MAGI2: variants seen among roughly 807,000 people sequenced by gnomAD.
MAGI2 encodes membrane associated guanylate kinase, WW and PDZ domain containing 2, also known as membrane-associated guanylate kinase, WW and PDZ domain-containing protein 2.
MAGI2 carries 35 observed loss-of-function variants against 133.3 expected under a neutral mutation model. The observed-to-expected ratio is 0.26, with a 90% CI of 0.20 to 0.35. The LOEUF (loss-of-function observed/expected upper bound fraction) is 0.35. MAGI2 is among the 10% of genes least tolerant of loss of function. The pLI is 1.00. For synonymous variants in MAGI2, 729 were observed against 710.6 expected, an observed-to-expected ratio of 1.03 and a Z score of -0.41; for missense variants, 1,636 against 1,863.4, an observed-to-expected ratio of 0.88 and a Z score of 2.25.
intron 1 of MAGI2, among the ~76,000 whole-genome samples, chr7:79,392,387 C>G (rs1844725426): frequency 6.6e-6 from 1 of 152,112 alleles, no homozygotes; most frequent in Admixed American, 6.5e-5. Context: ...AATGGCATTA[C>G]TAGGTCAAAT....
chr7:78,384,177 G>T (rs995086214), intron 6 of MAGI2, among the ~76,000 whole-genome samples: 1 of 151,948 alleles, frequency 6.6e-6, no homozygotes, highest in African/African-American at 2.4e-5. Flanking sequence ...CTGTAGATTG[G>T]TTTGGACAAT....
intron 1 of MAGI2, among the ~76,000 whole-genome samples, chr7:79,302,494 C>G (rs1260526819): frequency 6.6e-6 from 1 of 152,072 alleles, no homozygotes; most frequent in African/African-American, 2.4e-5. Flanking sequence ...TTTGGGCAGC[C>G]TTCTATGACT....
chr7:78,049,211 G>A (rs1454015342), intron 21 of MAGI2, among the ~76,000 whole-genome samples: 1 of 152,066 alleles, frequency 6.6e-6, no homozygotes, highest in Non-Finnish European at 1.5e-5. Context: ...GACATGATGA[G>A]AAAGAGACAT....
intron 6 of MAGI2, among the ~76,000 whole-genome samples, chr7:78,462,635 T>C (rs970034023): frequency 1.3e-5 from 2 of 152,232 alleles, no homozygotes; most frequent in African/African-American, 4.8e-5. Flanking sequence ...ACATGGTTAT[T>C]GCAAAACCTT....
At chr7:78,328,594 A>G (rs1001760444) in intron 9 of MAGI2, among the ~76,000 whole-genome samples, 2 of 150,026 alleles carry the variant, frequency 1.3e-5, no homozygotes, top group Admixed American at 1.3e-4. Context: ...TTATATCCCA[A>G]TCCTGGATCA....
chr7:78,057,977 GTATA>G lies in MAGI2; in HGVS notation c.3706+20966_3706+20969del, dbSNP rs58788674. On this transcript the variant is annotated intron_variant, in intron 21 of 21. Coordinates refer to ENST00000354212, the MANE Select transcript of MAGI2 (RefSeq NM_012301.4). ...CCCCTCTGGCATTTTATATATATGT[GTATA>G]TATATATATATATATATATATATGT... is the stretch of plus-strand genomic sequence containing the variant. 4.3e-4 allele frequency among the ~76,000 whole-genome samples: 46 copies of G among 106,598 alleles called. 2 individuals carry two copies. Among genetic ancestry groups the G allele is most frequent in the East Asian group, 1.3e-3 (5 of 3,812 alleles). The allele number at this position is 106,598 out of a possible 152,430, so 69.9% of individuals were successfully genotyped here.
chr7:79,060,752 GC>G (rs1283145746), intron 1 of MAGI2, among the ~76,000 whole-genome samples: 22 of 152,186 alleles, frequency 1.4e-4, no homozygotes, highest in African/African-American at 4.8e-4. Flanking sequence ...CAGGGTTATG[GC>G]CTTGCTGTGT....
chr7:78,372,935 G>A (rs1437522990), intron 6 of MAGI2, among the ~76,000 whole-genome samples: 3 of 152,270 alleles, frequency 2.0e-5, no homozygotes, highest in Admixed American at 1.3e-4. Flanking sequence ...ATTATGCACT[G>A]AGAAGGGCAC....
intron 2 of MAGI2, among the ~76,000 whole-genome samples, chr7:78,914,663 ATT>A (rs1485419165): frequency 6.6e-6 from 1 of 152,194 alleles, no homozygotes; most frequent in African/African-American, 2.4e-5. Context: ...GGAACTCCTG[ATT>A]CATGAATTTT....
chr7:78,920,302 A>C (rs1431812153), intron 2 of MAGI2, among the ~76,000 whole-genome samples: 1 of 152,178 alleles, frequency 6.6e-6, no homozygotes, highest in Non-Finnish European at 1.5e-5. Context: ...ATAATAACAG[A>C]GAGTGATTGT....
At chr7:78,540,385 C>T (rs1389710001) in intron 3 of MAGI2, among the ~76,000 whole-genome samples, 1 of 152,160 alleles carries the variant, frequency 6.6e-6, no homozygotes, top group Non-Finnish European at 1.5e-5. Flanking sequence ...GACAGGCCTT[C>T]ACCCAGCCCC....
At chr7:78,639,569 A>C (rs970915900) in intron 2 of MAGI2, among the ~76,000 whole-genome samples, 2 of 152,240 alleles carry the variant, frequency 1.3e-5, no homozygotes, top group Admixed American at 1.3e-4. Flanking sequence ...TTATCACACT[A>C]AATCTTATTA....
intron 1 of MAGI2, among the ~76,000 whole-genome samples, chr7:79,183,367 T>C (rs1284612546): frequency 6.6e-6 from 1 of 151,812 alleles, no homozygotes; most frequent in Non-Finnish European, 1.5e-5. Context: ...TTAAAAGATA[T>C]AAAACAGTAT....
intron 20 of MAGI2, among the ~76,000 whole-genome samples, chr7:78,093,690 C>T (rs1024313831): frequency 6.6e-6 from 1 of 152,188 alleles, no homozygotes; most frequent in Admixed American, 6.5e-5. Flanking sequence ...ATTACTCTAT[C>T]ATACGTTCTA....
intron 10 of MAGI2, among the ~76,000 whole-genome samples, chr7:78,205,683 G>A (rs1829666229): frequency 6.6e-6 from 1 of 151,730 alleles, no homozygotes; most frequent in South Asian, 2.1e-4. Context: ...TTTTATTTGC[G>A]AAATCTGGTC....
chr7:78,556,571 G>A (rs2192656), intron 3 of MAGI2, among the ~76,000 whole-genome samples: 96,482 of 152,110 alleles, frequency 0.63, 31,018 homozygotes, highest in Middle Eastern at 0.73. Flanking sequence ...AGGAGAGTAT[G>A]TGAAGCAATA....
At chr7:78,185,777 T>G in intron 12 of MAGI2, 107 bp from the exon 13 acceptor site, 2 of 754,952 alleles carry the variant, frequency 2.6e-6, no homozygotes, top group East Asian at 2.7e-5. Flanking sequence ...CACAATCTCA[T>G]ACTTATGTTT....
At chr7:78,919,869 C>T (rs1198164095) in intron 2 of MAGI2, among the ~76,000 whole-genome samples, 2 of 152,120 alleles carry the variant, frequency 1.3e-5, no homozygotes, top group African/African-American at 4.8e-5. Context: ...CATTCATTCA[C>T]TTCCATTCTT....
At chr7:78,338,840 T>A (rs916716914) in intron 9 of MAGI2, among the ~76,000 whole-genome samples, 3 of 152,180 alleles carry the variant, frequency 2.0e-5, no homozygotes, top group Admixed American at 6.5e-5. Context: ...CAATATACTT[T>A]AAAAAATTTC....
Sources: allele counts gnomAD v4.1 joint callset (sites outside exome capture counted in the v4.1 genomes callset), GRCh38; gene constraint gnomAD v4.1.1; transcripts MANE v1.5; gene names NCBI Gene and HGNC (gene_info 2026-07-23, HGNC 2026-07-21).